The following SYAP1 variants were observed in gnomAD, a reference collection of about 807,000 sequenced individuals.
SYAP1 encodes the protein synapse associated protein 1.
Under a neutral mutation model 29.6 loss-of-function variants are expected in SYAP1, and 3 were observed. The observed-to-expected ratio is 0.10, with a 90% CI of 0.05 to 0.26. SYAP1 has a LOEUF of 0.26. Among genes scored for constraint, SYAP1 ranks in the 10% least tolerant of loss-of-function variants. The pLI is 1.00. For missense variants in SYAP1, 217 were observed against 264.1 expected, an observed-to-expected ratio of 0.82 and a Z score of 1.24; for synonymous variants, 102 against 102.7, an observed-to-expected ratio of 0.99 and a Z score of 0.04.
chrX:16,763,870 C>CTTTTTTTT lies in SYAP1; in HGVS notation c.*3525_*3532dup, dbSNP rs11331396. ...AGTATTTTATTTGCCTCTTTGACGGCTTTTTTTTTTTTTTTTTTTTTGAGA... is the reference window on the plus strand; with the variant it reads ...AGTATTTTATTTGCCTCTTTGACGGCTTTTTTTTTTTTTTTTTTTTTTTTTTTTTGAGA... On this transcript the variant is annotated 3_prime_UTR_variant, in exon 9 of 9. Transcript: ENST00000380155. 1.6e-5 allele frequency: 1 copy of CTTTTTTTT among 63,584 alleles called. No homozygotes were observed. The highest frequency in any genetic ancestry group is 2.7e-5 in the Non-Finnish European group (1 of 37,271). 5.2% of individuals were successfully genotyped at this position (63,584 alleles called of 1,213,427 possible).
intron 5 of SYAP1, among the ~76,000 whole-genome samples, chrX:16,745,737 CAA>C (rs1473355443): frequency 4.8e-4 from 30 of 62,262 alleles, no homozygotes; most frequent in Admixed American, 3.7e-4. Flanking sequence ...ACTCTGTCTC[CAA>C]AAAAAAAAAA....
intron 1 of SYAP1, among the ~76,000 whole-genome samples, chrX:16,727,840 G>T (rs764019018): frequency 4.1e-4 from 46 of 111,793 alleles, no homozygotes; most frequent in Non-Finnish European, 5.3e-4. Flanking sequence ...AGTTTTCCAA[G>T]GGTTTTCTTG....
At chrX:16,752,758 C>T (rs912742764) in intron 5 of SYAP1, among the ~76,000 whole-genome samples, 5 of 111,465 alleles carry the variant, frequency 4.5e-5, no homozygotes, top group Non-Finnish European at 9.4e-5. Flanking sequence ...ACTGTTCATA[C>T]TTGGGTCATT....
chrX:16,738,044 G>A (rs1926368082), intron 3 of SYAP1, among the ~76,000 whole-genome samples: 1 of 111,701 alleles, frequency 9.0e-6, no homozygotes, highest in African/African-American at 3.2e-5. Flanking sequence ...TGTTTAGGGA[G>A]GGGAAGAGGG....
At chrX:16,756,091 A>C (rs1161589006) in intron 6 of SYAP1, among the ~76,000 whole-genome samples, 2 of 111,874 alleles carry the variant, frequency 1.8e-5, no homozygotes, top group Non-Finnish European at 3.8e-5. Flanking sequence ...ATTTATGTTA[A>C]TTTTGTTGGA....
intron 4 of SYAP1, 112 bp downstream of exon 4, chrX:16,741,901 G>A: frequency 1.9e-6 from 1 of 535,373 alleles, no homozygotes; most frequent in Non-Finnish European, 3.1e-6. Context: ...AAAATATTTT[G>A]AGATGTTAGG....
chrX:16,732,381 CTTTTT>C (rs1266261464), intron 1 of SYAP1, among the ~76,000 whole-genome samples: 1 of 93,581 alleles, frequency 1.1e-5, no homozygotes. Flanking sequence ...AGGTCACTGG[CTTTTT>C]TTTTTTTTTT....
intron 1 of SYAP1, among the ~76,000 whole-genome samples, chrX:16,727,420 T>C (rs4330856): frequency 0.42 from 43,153 of 101,934 alleles, 8,624 homozygotes; most frequent in African/African-American, 0.7. Flanking sequence ...CTCGGCTCAC[T>C]GCAACCTCCG....
rs1346349585 is a variant in SYAP1 at position 16,719,844 on chromosome X, G to C, written c.120G>C (p.Glu40Asp). 1.7e-6 allele frequency: 2 copies of C among 1,197,403 alleles called. No homozygotes were observed. The highest frequency in any genetic ancestry group is 4.6e-5 in the Admixed American group (2 of 43,889). ...PSETVAESAE[E>D]ELQQAGDQEL... ...AGACGGTGGCTGAGTCTGCGGAGGAGGAGCTGCAGCAAGCGGGAGACCAGG... is the reference window on the plus strand; with the variant it reads ...AGACGGTGGCTGAGTCTGCGGAGGACGAGCTGCAGCAAGCGGGAGACCAGG... Residue 40 changes from glutamate to aspartate, a missense_variant, in exon 1 of 9, where the codon GAG becomes GAC. Glu to Asp is a conservative substitution (Grantham distance 45). Coordinates refer to ENST00000380155, the MANE Select transcript of SYAP1 (RefSeq NM_032796.4).
intron 3 of SYAP1, among the ~76,000 whole-genome samples, chrX:16,740,345 T>TTC (rs1290012317): frequency 9.5e-6 from 1 of 104,807 alleles, no homozygotes; most frequent in Non-Finnish European, 1.9e-5. Context: ...TGCATTTCTT[T>TTC]TTTTTTTTTT....
chrX:16,726,915 G>A (rs1281539106), intron 1 of SYAP1, among the ~76,000 whole-genome samples: 1 of 111,582 alleles, frequency 9.0e-6, no homozygotes, highest in African/African-American at 3.3e-5. Context: ...AGTTCACAGG[G>A]CTTTAAGAAA....
At position 16,734,385 on chromosome X, in the gene SYAP1, C is replaced by CA. The variant is rs761468112; in HGVS notation, c.176-825dup. Among the ~76,000 whole-genome samples, 281 of 49,015 alleles carry CA rather than the reference C, an allele frequency of 5.7e-3. 2 individuals carry two copies. Among genetic ancestry groups the CA allele is most frequent in the Middle Eastern group, 0.029 (2 of 70 alleles). The allele number at this position is 49,015 out of a possible 115,157, so 42.6% of individuals were successfully genotyped here. On this transcript the variant is annotated intron_variant, in intron 1 of 8. Transcript: ENST00000380155. The stretch of plus-strand genomic sequence containing the variant: ...TGGGTGACAGAGTGAGACTTCATCT[C>CA]AAAAAAAAAAAAAAAAAGATTTCTG...
chrX:16,741,957 A>G (rs759820695), intron 4 of SYAP1, among the ~76,000 whole-genome samples, 168 bp downstream of exon 4: 6 of 110,114 alleles, frequency 5.4e-5, no homozygotes, highest in Non-Finnish European at 1.1e-4. Context: ...AAATGTACAC[A>G]TAAAATTTAT....
Position 16,762,010 on chromosome X carries a change from G to GT in SYAP1, c.*1652dup, listed in dbSNP as rs1569254150. The GT allele has an allele frequency of 9.0e-6, 1 of 111,665 alleles. No individual in the cohort carries two copies. The highest frequency in any genetic ancestry group is 1.9e-5 in the Non-Finnish European group (1 of 53,192). 9.2% of individuals were successfully genotyped at this position (111,665 alleles called of 1,213,427 possible). A position where few individuals can be genotyped will look rare whatever the true frequency, so the allele number is the denominator to read the frequency against. On this transcript the variant is annotated 3_prime_UTR_variant, in exon 9 of 9. Coordinates refer to ENST00000380155, the MANE Select transcript of SYAP1 (RefSeq NM_032796.4). Reference sequence around the variant, plus strand: ...TCTCTTGGGTTATAGCAGTAAACCCGTGTATTCCATGAAACCACTGGGCCC... The same window carrying GT: ...TCTCTTGGGTTATAGCAGTAAACCCGTTGTATTCCATGAAACCACTGGGCCC...
intron 8 of SYAP1, among the ~76,000 whole-genome samples, chrX:16,758,720 C>A (rs1926911057): frequency 9.0e-6 from 1 of 110,591 alleles, no homozygotes; most frequent in Admixed American, 9.7e-5. Flanking sequence ...GTCTTTCTGT[C>A]CCCCTACAGT....
At chrX:16,760,094 C>A in intron 8 of SYAP1, 138 bp from the exon 9 acceptor site, 1 of 499,219 alleles carries the variant, frequency 2.0e-6, no homozygotes, top group Admixed American at 4.3e-5. Context: ...TTTTTCTGAG[C>A]ACACATAGTA....
intron 3 of SYAP1, 70 bp from the exon 4 acceptor site, chrX:16,741,646 C>A: frequency 1.3e-6 from 1 of 777,588 alleles, no homozygotes; most frequent in Non-Finnish European, 1.9e-6. Flanking sequence ...GCTTTGAAAC[C>A]ATAGACTGCA....
intron 3 of SYAP1, among the ~76,000 whole-genome samples, chrX:16,738,041 G>A (rs1171446693): frequency 8.9e-6 from 1 of 111,811 alleles, no homozygotes; most frequent in East Asian, 2.8e-4. Flanking sequence ...CAGTGTTTAG[G>A]GAGGGGAAGA....
intron 3 of SYAP1, among the ~76,000 whole-genome samples, chrX:16,737,944 T>A (rs1294420857): frequency 9.0e-6 from 1 of 111,554 alleles, no homozygotes; most frequent in Non-Finnish European, 1.9e-5. Flanking sequence ...ATATAGATTA[T>A]TATCAAGTCA....
Sources: allele counts gnomAD v4.1 joint callset (sites outside exome capture counted in the v4.1 genomes callset), GRCh38; gene constraint gnomAD v4.1.1; transcripts MANE v1.5; gene names NCBI Gene and HGNC (gene_info 2026-07-23, HGNC 2026-07-21).